Variants in CSGALNACT1 observed in about 807,000 individuals in gnomAD.
CSGALNACT1 encodes beta4GalNAcT-1.
In CSGALNACT1, 52 loss-of-function variants were observed where a neutral mutation model predicts 51.0. The observed-to-expected ratio is 1.02, with a 90% confidence interval of 0.82 to 1.29. CSGALNACT1 has a LOEUF of 1.29. CSGALNACT1 is among the 50% of genes most tolerant of loss of function. CSGALNACT1 has a pLI of 0.00. For missense variants in CSGALNACT1, 935 were observed against 679.2 expected, an observed-to-expected ratio of 1.38 and a Z score of -4.19; for synonymous variants, 341 against 254.4, an observed-to-expected ratio of 1.34 and a Z score of -3.24.
intron 1 of CSGALNACT1, among the ~76,000 whole-genome samples, chr8:19,692,845 C>A (rs2061400469): frequency 6.6e-6 from 1 of 152,186 alleles, no homozygotes; most frequent in Non-Finnish European, 1.5e-5. Context: ...GGCTGAGCTT[C>A]CAACAGGCTG....
At chr8:19,625,218 C>T (rs944137516) in intron 1 of CSGALNACT1, among the ~76,000 whole-genome samples, 5 of 152,134 alleles carry the variant, frequency 3.3e-5, no homozygotes, top group Non-Finnish European at 7.3e-5. Flanking sequence ...ACACACATCA[C>T]GCTGTTTCTT....
chr8:19,613,362 T>A (rs905420940), intron 1 of CSGALNACT1, among the ~76,000 whole-genome samples: 16 of 152,248 alleles, frequency 1.1e-4, no homozygotes, highest in South Asian at 8.3e-4. Context: ...ATCCCTTTCC[T>A]ACATCAAACC....
At chr8:19,697,982 A>G (rs977703733) in intron 1 of CSGALNACT1, among the ~76,000 whole-genome samples, 4 of 152,206 alleles carry the variant, frequency 2.6e-5, no homozygotes, top group African/African-American at 9.7e-5. Context: ...AATGCTGCCA[A>G]AAAGTTAAGT....
intron 3 of CSGALNACT1, among the ~76,000 whole-genome samples, chr8:19,540,747 C>G (rs1240498356): frequency 6.6e-6 from 1 of 152,174 alleles, no homozygotes; most frequent in Non-Finnish European, 1.5e-5. Flanking sequence ...GCCTGGAGAG[C>G]TTTGTTCACC....
At chr8:19,701,399 C>T (rs2061871205) in intron 1 of CSGALNACT1, among the ~76,000 whole-genome samples, 1 of 151,990 alleles carries the variant, frequency 6.6e-6, no homozygotes, top group African/African-American at 2.4e-5. Context: ...AGTGATCTGC[C>T]CACCTTGGCC....
At chr8:19,415,299 T>G (rs77944654) in intron 8 of CSGALNACT1, among the ~76,000 whole-genome samples, 24 of 152,340 alleles carry the variant, frequency 1.6e-4, no homozygotes, top group African/African-American at 4.8e-4. Context: ...AAGAACTGGT[T>G]TGTCCAGTAA....
chr8:19,604,745 TAAAA>T (rs36019022), upstream of CSGALNACT1, among the ~76,000 whole-genome samples: 1 of 130,332 alleles, frequency 7.7e-6, no homozygotes, highest in Non-Finnish European at 1.6e-5. Context: ...GTCTCTACTT[TAAAA>T]AAAAAAAAAA....
At position 19,547,707 on chromosome 8, in the gene CSGALNACT1, C is replaced by G. The variant is rs1248654115; in HGVS notation, c.-296-41577G>C. On this transcript the variant is annotated intron_variant, in intron 3 of 9. Transcript: ENST00000454498. Reference sequence around the variant, plus strand: ...GAGAACAGACTAATACCGTAGAATACAATAAAGTATACTCTAGAAACTTTC... The same window carrying G: ...GAGAACAGACTAATACCGTAGAATAGAATAAAGTATACTCTAGAAACTTTC... Among the ~76,000 whole-genome samples the G allele has an allele frequency of 2.0e-5, 3 of 152,186 alleles. No individual in the cohort carries two copies. In the East Asian group the frequency reaches 5.8e-4, roughly 29 times the overall value.
chr8:19,643,438 A>G (rs2056943614), intron 1 of CSGALNACT1, among the ~76,000 whole-genome samples: 1 of 152,154 alleles, frequency 6.6e-6, no homozygotes, highest in African/African-American at 2.4e-5. Flanking sequence ...GGAGTCCAAG[A>G]CTAGCCTGGC....
rs201869272 is a variant in CSGALNACT1, at chr8:19,462,050, C to A, written c.635-3408G>T. ...GCCACATTCGCCGTGGAGGGTGTAT[C>A]TGCACAGCGGCCACATTCACCACAG... On this transcript the variant is annotated intron_variant, in intron 4 of 9. Coordinates refer to ENST00000454498, the Ensembl canonical transcript of CSGALNACT1. Among the ~76,000 whole-genome samples, 29 of 152,240 alleles carry A rather than the reference C, an allele frequency of 1.9e-4. No homozygotes were observed. In the East Asian group the frequency reaches 5.6e-3, roughly 29 times the overall value.
intron 5 of CSGALNACT1, among the ~76,000 whole-genome samples, chr8:19,442,835 A>C (rs1368634211): frequency 6.6e-6 from 1 of 152,170 alleles, no homozygotes; most frequent in Non-Finnish European, 1.5e-5. Flanking sequence ...AGAGTCTTAA[A>C]GACTGAATGA....
intron 2 of CSGALNACT1, among the ~76,000 whole-genome samples, chr8:19,599,462 G>GAAAGAAAGAA (rs1283271107): frequency 0.043 from 3,975 of 92,026 alleles, 133 homozygotes; most frequent in African/African-American, 0.061. Context: ...AGAAAAGAAA[G>GAAAGAAAGAA]AAAGAAAGAA....
At chr8:19,734,178 T>C (rs2063840511) in intron 1 of CSGALNACT1, among the ~76,000 whole-genome samples, 2 of 152,064 alleles carry the variant, frequency 1.3e-5, no homozygotes, top group East Asian at 1.9e-4. Flanking sequence ...AATTTCAAAG[T>C]ATCAGCCTCC....
chr8:19,659,484 AACTG>A (rs57812343), intron 1 of CSGALNACT1, among the ~76,000 whole-genome samples: 3,296 of 152,330 alleles, frequency 0.022, 53 homozygotes, highest in South Asian at 0.045. Context: ...TTTCCGACAG[AACTG>A]ACTATTTCCC....
At chr8:19,413,980 A>T (rs1453310665) in intron 8 of CSGALNACT1, among the ~76,000 whole-genome samples, 3 of 152,182 alleles carry the variant, frequency 2.0e-5, no homozygotes, top group Non-Finnish European at 4.4e-5. Flanking sequence ...AATGAATCCC[A>T]ACAAGGGCTC....
chr8:19,426,583 T>C (rs1461634562), intron 6 of CSGALNACT1, among the ~76,000 whole-genome samples: 1 of 152,210 alleles, frequency 6.6e-6, no homozygotes, highest in African/African-American at 2.4e-5. Context: ...TAACATCACA[T>C]GATTTGCTTA....
chr8:19,428,825 A>ATGTGTG (rs59241616), intron 6 of CSGALNACT1, among the ~76,000 whole-genome samples: 1,536 of 143,346 alleles, frequency 0.011, 17 homozygotes, highest in African/African-American at 0.016. Flanking sequence ...AAGACATGAT[A>ATGTGTG]TGTGTGTGTG....
rs114318238 is a variant in CSGALNACT1 at position 19,563,948 on chromosome 8, C to T, written c.-297+27212G>A. On this transcript the variant is annotated intron_variant, in intron 3 of 9. Transcript: ENST00000454498. ...CCACGCACACTCACACACCACGCTG[C>T]GGCTGTTTCTGAAGCTGGACGTTCT... 6.4e-3 allele frequency among the ~76,000 whole-genome samples: 981 copies of T among 152,122 alleles called. 12 individuals carry two copies. The highest frequency in any genetic ancestry group is 0.022 in the African/African-American group (892 of 41,486).
chr8:19,589,009 A>G (rs563699932), intron 3 of CSGALNACT1, among the ~76,000 whole-genome samples: 89 of 152,304 alleles, frequency 5.8e-4, no homozygotes, highest in Non-Finnish European at 8.8e-5. Context: ...AATGGTGAAC[A>G]TCCTTTATGT....
Sources: allele counts gnomAD v4.1 joint callset (sites outside exome capture counted in the v4.1 genomes callset), GRCh38; gene constraint gnomAD v4.1.1; transcripts MANE v1.5; gene names NCBI Gene and HGNC (gene_info 2026-07-23, HGNC 2026-07-21).